DCDC1: variants seen among roughly 807,000 people sequenced by gnomAD.
The protein encoded by DCDC1 is doublecortin domain containing 1.
DCDC1 carries 200 observed loss-of-function variants against 178.3 expected under a neutral mutation model. The observed-to-expected ratio is 1.12, with a 90% CI of 1.00 to 1.26. DCDC1 has a LOEUF of 1.26. Ranked by LOEUF, DCDC1 falls within the 50% of genes most tolerant of loss-of-function variation. The probability of loss-of-function intolerance (pLI) is 0.00; values close to 1 mark genes in which losing one functional copy is unlikely to be tolerated. For synonymous variants in DCDC1, 690 were observed against 604.8 expected, an observed-to-expected ratio of 1.14 and a Z score of -2.07; for missense variants, 1,983 against 1,749.2, an observed-to-expected ratio of 1.13 and a Z score of -2.38.
intron 15 of DCDC1, among the ~76,000 whole-genome samples, chr11:31,100,654 T>C (rs1172051906): frequency 1.3e-5 from 2 of 152,122 alleles, no homozygotes; most frequent in Non-Finnish European, 1.5e-5. Flanking sequence ...TGGTGCACAA[T>C]TGATTAGCCT....
At chr11:31,016,284 AG>A (rs1952481922) in intron 20 of DCDC1, among the ~76,000 whole-genome samples, 1 of 152,244 alleles carries the variant, frequency 6.6e-6, no homozygotes, top group Non-Finnish European at 1.5e-5. Context: ...GAGTAGCATG[AG>A]TAAGAAAAAG....
intron 9 of DCDC1, among the ~76,000 whole-genome samples, chr11:31,158,178 G>A (rs535203650): frequency 1.3e-5 from 2 of 151,862 alleles, no homozygotes; most frequent in African/African-American, 2.4e-5. Context: ...GCGCAATCTC[G>A]GCTCACTGCA....
At chr11:31,283,774 T>A (rs1946619663) in intron 7 of DCDC1, among the ~76,000 whole-genome samples, 1 of 152,154 alleles carries the variant, frequency 6.6e-6, no homozygotes, top group Non-Finnish European at 1.5e-5. Context: ...ACCCTATGCA[T>A]AAGCAACTTA....
chr11:31,155,408 T>A (rs1029819658), intron 9 of DCDC1, among the ~76,000 whole-genome samples: 1 of 152,218 alleles, frequency 6.6e-6, no homozygotes, highest in African/African-American at 2.4e-5. Flanking sequence ...GTCAAGTATG[T>A]TTGAGCTATT....
chr11:31,158,222 C>A (rs1965936553), intron 9 of DCDC1, among the ~76,000 whole-genome samples: 1 of 152,032 alleles, frequency 6.6e-6, no homozygotes, highest in South Asian at 2.1e-4. Flanking sequence ...CATTCTCCTG[C>A]CTCAACCTCC....
chr11:31,077,671 A>G (rs1286678173), intron 18 of DCDC1, among the ~76,000 whole-genome samples, 194 bp downstream of exon 18: 1 of 152,196 alleles, frequency 6.6e-6, no homozygotes, highest in Non-Finnish European at 1.5e-5. Flanking sequence ...TGACTTTAGA[A>G]AATGTGTTTT....
chr11:31,229,150 G>A (rs1214620741), intron 9 of DCDC1, among the ~76,000 whole-genome samples: 1 of 151,990 alleles, frequency 6.6e-6, no homozygotes, highest in East Asian at 1.9e-4. Context: ...AGGCCCAGAT[G>A]GTTTTACTAA....
chr11:31,301,072 C>T (rs943962751), intron 6 of DCDC1, among the ~76,000 whole-genome samples: 15 of 152,088 alleles, frequency 9.9e-5, no homozygotes, highest in Admixed American at 4.6e-4. Flanking sequence ...CTTTTATTTA[C>T]AGATTTAAAA....
chr11:30,993,202 A>C (rs77972864), intron 20 of DCDC1, among the ~76,000 whole-genome samples: 1 of 152,120 alleles, frequency 6.6e-6, no homozygotes, highest in Admixed American at 6.6e-5. Flanking sequence ...TCAAAGAGGA[A>C]GTGTCAAAAT....
chr11:31,179,480 A>G (rs533664928), intron 9 of DCDC1, among the ~76,000 whole-genome samples: 6 of 152,222 alleles, frequency 3.9e-5, no homozygotes, highest in Non-Finnish European at 8.8e-5. Context: ...AAACAATGGA[A>G]TATTATTCAA....
intron 20 of DCDC1, among the ~76,000 whole-genome samples, chr11:30,956,271 G>C (rs1231456509): frequency 1.3e-5 from 2 of 152,090 alleles, no homozygotes; most frequent in Non-Finnish European, 2.9e-5. Context: ...CTTGGCCTCA[G>C]GTAATTCTCC....
chr11:31,180,676 T>C (rs1385753576), intron 9 of DCDC1, among the ~76,000 whole-genome samples: 7 of 152,112 alleles, frequency 4.6e-5, no homozygotes, highest in Non-Finnish European at 1.5e-5. Flanking sequence ...AGCCCAGATA[T>C]TATGATTTTC....
intron 1 of DCDC1, among the ~76,000 whole-genome samples, chr11:31,340,345 G>T (rs1004177845): frequency 6.6e-6 from 1 of 152,134 alleles, no homozygotes; most frequent in Non-Finnish European, 1.5e-5. Flanking sequence ...AGAGAGAGGA[G>T]GAGAGGAGCA....
intron 20 of DCDC1, among the ~76,000 whole-genome samples, chr11:30,955,956 G>A (rs1948749257): frequency 6.6e-6 from 1 of 152,234 alleles, no homozygotes. Flanking sequence ...CAAATGATCA[G>A]ATCACAATGT....
intron 1 of DCDC1, among the ~76,000 whole-genome samples, chr11:31,357,887 T>A (rs1951474052): frequency 6.6e-6 from 1 of 152,070 alleles, no homozygotes; most frequent in South Asian, 2.1e-4. Context: ...ACAAGGGATG[T>A]GAAGGACCTC....
At chr11:31,228,134 A>C (rs1253647090) in intron 9 of DCDC1, among the ~76,000 whole-genome samples, 5 of 152,110 alleles carry the variant, frequency 3.3e-5, no homozygotes, top group Admixed American at 3.3e-4. Flanking sequence ...CAAATCAATA[A>C]GACAGAACAA....
rs890973076 is a variant in DCDC1, at chr11:31,022,163, C to T, written c.2591+42306G>A. Among the ~76,000 whole-genome samples the T allele has an allele frequency of 1.3e-5, 2 of 152,314 alleles. 1 individual carries two copies. On this transcript the variant is annotated intron_variant, in intron 20 of 38. Coordinates refer to ENST00000684477, the MANE Select transcript of DCDC1 (RefSeq NM_001387274.1). ...AAATATCTCACAGTTCTAGGGCCTA[C>T]AAGTCCAAAATCAACGTGCCAGCAA...
intron 6 of DCDC1, 57 bp from the exon 7 acceptor site, chr11:31,290,909 A>G (rs1303212314): frequency 1.4e-6 from 2 of 1,475,450 alleles, no homozygotes; most frequent in Non-Finnish European, 1.9e-6. Flanking sequence ...AAAAATGGAC[A>G]CATCATACTT....
At chr11:31,141,150 A>C (rs1323231093) in intron 9 of DCDC1, among the ~76,000 whole-genome samples, 2 of 152,198 alleles carry the variant, frequency 1.3e-5, no homozygotes, top group Non-Finnish European at 2.9e-5. Context: ...TCTCCCCAAA[A>C]TATTTTAAAG....
Sources: allele counts gnomAD v4.1 joint callset (sites outside exome capture counted in the v4.1 genomes callset), GRCh38; gene constraint gnomAD v4.1.1; transcripts MANE v1.5; gene names NCBI Gene and HGNC (gene_info 2026-07-23, HGNC 2026-07-21).